TRPC1: variants seen among roughly 807,000 people sequenced by gnomAD.
TRPC1 encodes short transient receptor potential channel 1.
TRPC1 carries 42 observed loss-of-function variants against 88.2 expected under a neutral mutation model. The ratio of observed to expected loss-of-function variants is 0.48; its 90% CI spans 0.37 to 0.62. The LOEUF is 0.62. Ranked by LOEUF, TRPC1 falls within the 20% of genes least tolerant of loss-of-function variation. The probability of loss-of-function intolerance (pLI) is 0.00; values close to 1 mark genes in which losing one functional copy is unlikely to be tolerated. For missense variants in TRPC1, 699 were observed against 957.3 expected (o/e 0.73, Z 3.56); for synonymous variants, 288 against 331.8 (o/e 0.87, Z 1.43).
intron 4 of TRPC1, among the ~76,000 whole-genome samples, chr3:142,765,338 G>A (rs1029341768): frequency 6.6e-6 from 1 of 151,922 alleles, no homozygotes; most frequent in African/African-American, 2.4e-5. Flanking sequence ...AATTCATATG[G>A]AACCAAAAAA....
At chr3:142,774,624 G>C (rs769381626) in intron 4 of TRPC1, among the ~76,000 whole-genome samples, 2 of 152,214 alleles carry the variant, frequency 1.3e-5, no homozygotes, top group African/African-American at 4.8e-5. Flanking sequence ...TGAAGCACTG[G>C]CAGTTTTTCA....
rs1372662963 is a variant in TRPC1 at position 142,767,982 on chromosome 3, ATCT to A, written c.633-9645_633-9643del. ...TTAAAATTTTGATGGAGTCCATTTGATCTTCTTTTTTCTTCTTTTGGTCATTTG... is the reference window on the plus strand; with the variant it reads ...TTAAAATTTTGATGGAGTCCATTTGATCTTTTTTCTTCTTTTGGTCATTTG... On this transcript the variant is annotated intron_variant, in intron 4 of 12. Transcript: ENST00000476941. The surrounding 1 kb of genome is among the most constrained non-coding windows in gnomAD (Gnocchi z 5.1). Among the ~76,000 whole-genome samples the A allele has an allele frequency of 4.0e-5, 6 of 151,148 alleles. No individual in the cohort carries two copies. In the South Asian group the frequency reaches 6.2e-4, roughly 16 times the overall value.
rs1008997419 is a variant in TRPC1 at position 142,776,442 on chromosome 3, T to C, written c.633-1190T>C. 1.3e-5 allele frequency among the ~76,000 whole-genome samples: 2 copies of C among 152,146 alleles called. No individual in the cohort carries two copies. The highest frequency in any genetic ancestry group is 4.8e-5 in the African/African-American group (2 of 41,462). On this transcript the variant is annotated intron_variant, in intron 4 of 12. Transcript: ENST00000476941. The surrounding 1 kb of genome is among the most constrained non-coding windows in gnomAD (Gnocchi z 4.1). ...TATAGCAAATTTTTCTGGTTTGTTTTCTATTTAGGTATGGAAATTTGAATA... is the reference window on the plus strand; with the variant it reads ...TATAGCAAATTTTTCTGGTTTGTTTCCTATTTAGGTATGGAAATTTGAATA...
chr3:142,779,861 A>ATTTTTTTTTTTTTTTTTTTTT (rs1008974297), intron 5 of TRPC1, among the ~76,000 whole-genome samples: 1 of 125,420 alleles, frequency 8.0e-6, no homozygotes, highest in Non-Finnish European at 1.7e-5. Flanking sequence ...AATGTAATTG[A>ATTTTTTTTTTTTTTTTTTTTT]TTTTTTTTTT....
chr3:142,762,491 G>A (rs547123297), intron 4 of TRPC1, among the ~76,000 whole-genome samples: 6 of 143,378 alleles, frequency 4.2e-5, no homozygotes, highest in African/African-American at 1.1e-4. Context: ...GTGCAATGGC[G>A]TGATCTCGGC....
At chr3:142,793,977 C>A in intron 9 of TRPC1, 2 of 763,610 alleles carry the variant, frequency 2.6e-6, no homozygotes, top group Non-Finnish European at 3.2e-6. Flanking sequence ...TTGGGACACA[C>A]TGTATACTGT....
chr3:142,752,106 G>A (rs1490977769), intron 4 of TRPC1, among the ~76,000 whole-genome samples: 3 of 152,080 alleles, frequency 2.0e-5, no homozygotes, highest in Non-Finnish European at 4.4e-5. Context: ...ATGAGAGACG[G>A]AGAAAAGAAA....
Position 142,765,499 on chromosome 3 carries a change from A to C in TRPC1, c.633-12133A>C, listed in dbSNP as rs145209597. 2.0e-4 allele frequency among the ~76,000 whole-genome samples: 31 copies of C among 152,228 alleles called. No homozygotes were observed. In the East Asian group the frequency reaches 5.6e-3, roughly 28 times the overall value. ...TATAGACCGATGGAACAGAATAGAG[A>C]ATCCAGAAATAAAGCTGCACCCCCA... On this transcript the variant is annotated intron_variant, in intron 4 of 12. Transcript: ENST00000476941.
At chr3:142,805,887 GA>G in intron 12 of TRPC1, 120 bp from the exon 13 acceptor site, 1 of 806,892 alleles carries the variant, frequency 1.2e-6, no homozygotes, top group Non-Finnish European at 1.9e-6. Context: ...CCATGTAGTA[GA>G]AAAACTATAG....
At chr3:142,771,774 A>G (rs1935588249) in intron 4 of TRPC1, among the ~76,000 whole-genome samples, 1 of 152,136 alleles carries the variant, frequency 6.6e-6, no homozygotes, top group Non-Finnish European at 1.5e-5. Flanking sequence ...TTCTATAAAT[A>G]TTATTCTATA....
intron 3 of TRPC1, 128 bp downstream of exon 3, chr3:142,743,714 G>T (rs1445747172): frequency 3.4e-5 from 18 of 523,062 alleles, no homozygotes; most frequent in Non-Finnish European, 5.0e-5. Flanking sequence ...TTCTCACTCT[G>T]TAAAATATTA....
At chr3:142,795,170 TGGA>T (rs1560118093) in intron 9 of TRPC1, among the ~76,000 whole-genome samples, 1 of 151,742 alleles carries the variant, frequency 6.6e-6, no homozygotes, top group Non-Finnish European at 1.5e-5. Context: ...CAAAATAAAA[TGGA>T]GAAGAAAGAA....
intron 4 of TRPC1, among the ~76,000 whole-genome samples, chr3:142,769,345 C>T (rs1339478177): frequency 6.6e-6 from 1 of 151,078 alleles, no homozygotes; most frequent in Non-Finnish European, 1.5e-5. Context: ...TGAGATCTTT[C>T]TTCTTTCTAT....
At chr3:142,757,760 A>G (rs1452996871) in intron 4 of TRPC1, among the ~76,000 whole-genome samples, 1 of 152,158 alleles carries the variant, frequency 6.6e-6, no homozygotes, top group African/African-American at 2.4e-5. Flanking sequence ...ATGTATACCT[A>G]TGTAACAAAT....
chr3:142,728,085 T>C (rs1466147525), intron 1 of TRPC1, among the ~76,000 whole-genome samples: 1 of 152,126 alleles, frequency 6.6e-6, no homozygotes, highest in Non-Finnish European at 1.5e-5. Flanking sequence ...AATCAGTTCA[T>C]GTGGAGGAAA....
At position 142,807,762 on chromosome 3, in the gene TRPC1, C is replaced by CTAA. The variant is rs952307439; in HGVS notation, c.*1529_*1531dup. 2.0e-5 allele frequency: 3 copies of CTAA among 151,912 alleles called. No individual in the cohort carries two copies. The highest frequency in any genetic ancestry group is 6.6e-5 in the Admixed American group (1 of 15,248). 9.4% of individuals were successfully genotyped at this position (151,912 alleles called of 1,614,324 possible). Reference sequence around the variant, plus strand: ...GATTTTTAGTCATTCTAAAAAACACCTAATTATTAAAACATTTATAGAGTG... The same window carrying CTAA: ...GATTTTTAGTCATTCTAAAAAACACCTAATAATTATTAAAACATTTATAGAGTG... On this transcript the variant is annotated 3_prime_UTR_variant, in exon 13 of 13. Coordinates refer to ENST00000476941, the MANE Select transcript of TRPC1 (RefSeq NM_001251845.2).
chr3:142,760,019 G>A (rs1278355394), intron 4 of TRPC1, among the ~76,000 whole-genome samples: 1 of 151,936 alleles, frequency 6.6e-6, no homozygotes, highest in Non-Finnish European at 1.5e-5. Flanking sequence ...GTGGAGATGG[G>A]GTTTCGCTGT....
At chr3:142,738,535 C>A (rs1313281241) in intron 2 of TRPC1, among the ~76,000 whole-genome samples, 1 of 152,086 alleles carries the variant, frequency 6.6e-6, no homozygotes, top group African/African-American at 2.4e-5. Flanking sequence ...ATCAGTGGTT[C>A]TCAACCAAAT....
At chr3:142,740,117 G>A (rs897858560) in intron 2 of TRPC1, among the ~76,000 whole-genome samples, 6 of 152,332 alleles carry the variant, frequency 3.9e-5, no homozygotes, top group East Asian at 1.9e-4. Context: ...AGTTTCATCC[G>A]AAACTATCTC....
Sources: allele counts gnomAD v4.1 joint callset (sites outside exome capture counted in the v4.1 genomes callset), GRCh38; gene constraint gnomAD v4.1.1; non-coding constraint Gnocchi (gnomAD v3.1); transcripts MANE v1.5; gene names NCBI Gene and HGNC (gene_info 2026-07-23, HGNC 2026-07-21).